SUCLG2: variants seen among roughly 807,000 people sequenced by gnomAD.
SUCLG2 encodes the protein succinate-CoA ligase GDP-forming subunit beta, also known as succinate--CoA ligase [GDP-forming] subunit beta, mitochondrial.
In SUCLG2, 42 loss-of-function variants were observed where a neutral mutation model predicts 47.9. The observed-to-expected ratio is 0.88, with a 90% confidence interval of 0.69 to 1.14. The LOEUF is 1.14. Among genes scored for constraint, SUCLG2 ranks in the 50% most tolerant of loss-of-function variants. SUCLG2 has a pLI of 0.00. For synonymous variants in SUCLG2, 195 were observed against 197.3 expected (o/e 0.99, Z 0.10); for missense variants, 571 against 525.9 (o/e 1.09, Z -0.84).
intron 9 of SUCLG2, among the ~76,000 whole-genome samples, chr3:67,461,983 ATC>A (rs1704348962): frequency 6.6e-6 from 1 of 152,230 alleles, no homozygotes; most frequent in African/African-American, 2.4e-5. Context: ...AAGCTTCTGA[ATC>A]TCTGACTCAG....
chr3:67,522,732 C>T (rs1399567239), intron 4 of SUCLG2, among the ~76,000 whole-genome samples: 3 of 149,262 alleles, frequency 2.0e-5, no homozygotes, highest in South Asian at 2.1e-4. Context: ...GGCGCGATCT[C>T]GGCTCACTGC....
At position 67,464,228 on chromosome 3, in the gene SUCLG2, TTTAC is replaced by T. The variant is rs373925854; in HGVS notation, c.1062+31566_1062+31569del. 3.5e-3 allele frequency among the ~76,000 whole-genome samples: 535 copies of T among 152,286 alleles called. 3 individuals carry two copies. The highest frequency in any genetic ancestry group is 0.012 in the African/African-American group (516 of 41,558). On this transcript the variant is annotated intron_variant, in intron 9 of 10. Transcript: ENST00000307227. ...CTCTGACTGACAGGGCAATCAGCAC[TTTAC>T]TTAAAGTATAAGCACCAACCTCTTC...
chr3:67,491,392 C>G, intron 9 of SUCLG2, among the ~76,000 whole-genome samples: 1 of 127,282 alleles, frequency 7.9e-6, no homozygotes, highest in East Asian at 2.5e-4. Flanking sequence ...CAGACGAAGT[C>G]TCGCTCTTGT....
At chr3:67,408,884 C>A in intron 9 of SUCLG2, 1 of 1,475,918 alleles carries the variant, frequency 6.8e-7, no homozygotes. Flanking sequence ...CATGTTCGTT[C>A]CACTCCCTCT....
At chr3:67,380,134 C>G (rs1432925373) in intron 10 of SUCLG2, among the ~76,000 whole-genome samples, 1 of 151,842 alleles carries the variant, frequency 6.6e-6, no homozygotes, top group Non-Finnish European at 1.5e-5. Flanking sequence ...GAAATAGATA[C>G]CGCAAACTGC....
intron 9 of SUCLG2, among the ~76,000 whole-genome samples, chr3:67,403,709 A>C (rs1702740949): frequency 6.6e-6 from 1 of 152,166 alleles, no homozygotes; most frequent in African/African-American, 2.4e-5. Flanking sequence ...AAAAAAGAGC[A>C]GGATCTGAGA....
In SUCLG2 at chr3:67,632,885, A is replaced by G. The variant is rs1397567434; in HGVS notation, c.84+21618T>C. ...CTTTTGAGGATACATTACAGTACCT[A>G]ACACAAAGTACACACTCAACAAATG... On this transcript the variant is annotated intron_variant, in intron 1 of 10. Transcript: ENST00000307227. Among the ~76,000 whole-genome samples the G allele has an allele frequency of 2.0e-5, 3 of 152,230 alleles. No individual in the cohort carries two copies. In the East Asian group the frequency reaches 5.8e-4, roughly 29 times the overall value.
chr3:67,435,534 C>T (rs1703596875), intron 9 of SUCLG2, among the ~76,000 whole-genome samples: 1 of 152,152 alleles, frequency 6.6e-6, no homozygotes, highest in Non-Finnish European at 1.5e-5. Flanking sequence ...GTTCAAATTG[C>T]AGCAGCCCTT....
downstream of SUCLG2, among the ~76,000 whole-genome samples, chr3:67,370,071 C>T (rs966481723): frequency 3.9e-5 from 6 of 151,912 alleles, no homozygotes; most frequent in South Asian, 8.3e-4. Flanking sequence ...TCAATGTATG[C>T]GAATATTTTA....
chr3:67,416,362 T>C (rs1003904688), intron 9 of SUCLG2, among the ~76,000 whole-genome samples: 3 of 152,326 alleles, frequency 2.0e-5, no homozygotes, highest in South Asian at 2.1e-4. Flanking sequence ...AACTAATCCT[T>C]TGCCATACTG....
chr3:67,605,526 G>A (rs1290112072), intron 2 of SUCLG2, among the ~76,000 whole-genome samples: 5 of 152,082 alleles, frequency 3.3e-5, no homozygotes, highest in South Asian at 4.2e-4. Context: ...GTTCGGGAAG[G>A]ATTACTCATT....
chr3:67,366,039 C>G (rs1400082610), intron 10 of SUCLG2, among the ~76,000 whole-genome samples: 1 of 152,138 alleles, frequency 6.6e-6, no homozygotes, highest in African/African-American at 2.4e-5. Flanking sequence ...TCTGGAAGAT[C>G]TTTTCAATGC....
At chr3:67,460,591 C>T (rs955389379) in intron 9 of SUCLG2, among the ~76,000 whole-genome samples, 10 of 152,118 alleles carry the variant, frequency 6.6e-5, no homozygotes, top group Non-Finnish European at 1.3e-4. Context: ...CTGATGAGGT[C>T]ATTAATATCA....
chr3:67,654,353 C>G (rs1233779501), intron 1 of SUCLG2, 150 bp downstream of exon 1: 1 of 567,220 alleles, frequency 1.8e-6, no homozygotes. Flanking sequence ...CCCTGCTGCG[C>G]CTGGACCCGG....
At chr3:67,543,333 C>T (rs1008693008) in intron 2 of SUCLG2, among the ~76,000 whole-genome samples, 5 of 152,102 alleles carry the variant, frequency 3.3e-5, no homozygotes, top group African/African-American at 9.7e-5. Context: ...TAAACAGTTA[C>T]ATAGTCGTAA....
chr3:67,462,863 G>C (rs1704372861), intron 9 of SUCLG2, among the ~76,000 whole-genome samples: 1 of 152,220 alleles, frequency 6.6e-6, no homozygotes, highest in Non-Finnish European at 1.5e-5. Context: ...TCCAGGTGGA[G>C]TGTCAGAACT....
At chr3:67,396,154 C>T (rs1702522376) in intron 10 of SUCLG2, among the ~76,000 whole-genome samples, 1 of 151,924 alleles carries the variant, frequency 6.6e-6, no homozygotes, top group South Asian at 2.1e-4. Context: ...TAGCAGAAGG[C>T]AGGAAATAAC....
chr3:67,523,298 AAAAAT>A (rs1427162279), intron 4 of SUCLG2, among the ~76,000 whole-genome samples: 10 of 152,246 alleles, frequency 6.6e-5, no homozygotes, highest in African/African-American at 2.4e-4. Context: ...ACCATTAGTT[AAAAAT>A]AAAATATATA....
At chr3:67,407,147 C>T (rs1052508327) in intron 9 of SUCLG2, among the ~76,000 whole-genome samples, 2 of 152,168 alleles carry the variant, frequency 1.3e-5, no homozygotes, top group Admixed American at 1.3e-4. Context: ...AGTAAATAAG[C>T]ATGGTGTATT....
Sources: allele counts gnomAD v4.1 joint callset (sites outside exome capture counted in the v4.1 genomes callset), GRCh38; gene constraint gnomAD v4.1.1; transcripts MANE v1.5; gene names NCBI Gene and HGNC (gene_info 2026-07-23, HGNC 2026-07-21).